The following EVI5L variants were observed in gnomAD, a reference collection of about 807,000 sequenced individuals.
EVI5L encodes EVI5-like protein.
A neutral mutation model predicts 106.1 loss-of-function variants in EVI5L; 30 were observed. The observed-to-expected ratio is 0.28, with a 90% CI of 0.21 to 0.38. The LOEUF (loss-of-function observed/expected upper bound fraction) is 0.38. Among genes scored for constraint, EVI5L ranks in the 10% least tolerant of loss-of-function variants. The pLI is 1.00. For missense variants in EVI5L, 809 were observed against 1,098.0 expected, an observed-to-expected ratio of 0.74 and a Z score of 3.72; for synonymous variants, 489 against 483.3, an observed-to-expected ratio of 1.01 and a Z score of -0.15.
chr19:7,862,039 G>A lies in EVI5L; in HGVS notation c.1644+21G>A, dbSNP rs1036802876. 4 of 1,539,562 alleles carry A rather than the reference G, an allele frequency of 2.6e-6. No homozygotes were observed. In the African/African-American group the frequency reaches 4.1e-5, roughly 16 times the overall value. ...GGCAGGTGAGGGCCGGGTGGGCGCCGGCGGGCAGAGCGCCCCCTAGGGCCA... is the reference window on the plus strand; with the variant it reads ...GGCAGGTGAGGGCCGGGTGGGCGCCAGCGGGCAGAGCGCCCCCTAGGGCCA... On this transcript the variant is annotated intron_variant, in intron 15 of 19. Transcript: ENST00000538904.
chr19:7,838,971 G>A (rs1268551305), intron 1 of EVI5L, among the ~76,000 whole-genome samples: 2 of 151,330 alleles, frequency 1.3e-5, no homozygotes, highest in Admixed American at 1.3e-4. Context: ...ACTCCAGCCT[G>A]GGAGACAGAG....
chr19:7,851,330 G>T, intron 6 of EVI5L, 104 bp from the exon 7 acceptor site: 1 of 1,395,070 alleles, frequency 7.2e-7, no homozygotes, highest in Non-Finnish European at 9.7e-7. Context: ...GCTGCCCAGC[G>T]CAGGTCCAGG....
chr19:7,852,905 T>A, intron 8 of EVI5L, 181 bp from the exon 9 acceptor site: 1 of 615,884 alleles, frequency 1.6e-6, no homozygotes, highest in East Asian at 2.8e-5. Flanking sequence ...CAGTCCCCCA[T>A]TCCCTCCCCT....
Position 7,864,397 on chromosome 19 carries a change from G to T in EVI5L, c.*695G>T, listed in dbSNP as rs1302666181. Reference sequence around the variant, plus strand: ...GGGGCCAGAGCAGCTTCCAGGAAGTGAAGAGACCCCTCTCCCCAGTGCCCC... The same window carrying T: ...GGGGCCAGAGCAGCTTCCAGGAAGTTAAGAGACCCCTCTCCCCAGTGCCCC... On this transcript the variant is annotated 3_prime_UTR_variant, in exon 20 of 20. Coordinates refer to ENST00000538904, the MANE Select transcript of EVI5L (RefSeq NM_001159944.3). The surrounding 1 kb of genome is among the most constrained non-coding windows in gnomAD (Gnocchi z 4.5). The T allele has an allele frequency of 6.6e-6, 1 of 152,500 alleles. No individual in the cohort carries two copies. Among genetic ancestry groups the T allele is most frequent in the Non-Finnish European group, 1.5e-5 (1 of 68,124 alleles). The allele number at this position is 152,500 out of a possible 1,614,324, so 9.4% of individuals were successfully genotyped here. A position where few individuals can be genotyped will look rare whatever the true frequency, so the allele number is the denominator to read the frequency against.
chr19:7,862,570 C>T (rs1979869746), intron 17 of EVI5L, 36 bp downstream of exon 17: 2 of 1,381,098 alleles, frequency 1.4e-6, no homozygotes, highest in Non-Finnish European at 1.9e-6. Flanking sequence ...GCCCGTGGCA[C>T]CGCCCCCGGA....
chr19:7,857,134 C>A lies in EVI5L; in HGVS notation c.1233+10C>A. On this transcript the variant is annotated intron_variant, in intron 12 of 19. Coordinates refer to ENST00000538904, the MANE Select transcript of EVI5L (RefSeq NM_001159944.3). This position sits in a 1 kb window ranked among gnomAD's most constrained non-coding sequence, Gnocchi z 4.5. ...TGATAGGTTAATCCAGGTACTGTAG[C>A]TTTTTATCCCCTCTCCGGATTCCTT... 14 of 1,551,692 alleles carry A rather than the reference C, an allele frequency of 9.0e-6. No homozygotes were observed. Among genetic ancestry groups the A allele is most frequent in the Non-Finnish European group, 1.1e-5 (13 of 1,146,994 alleles).
Position 7,863,234 on chromosome 19 carries a change from A to G in EVI5L, c.2093A>G (p.Gln698Arg). 6.4e-7 allele frequency: 1 copy of G among 1,563,274 alleles called. No individual in the cohort carries two copies. The highest frequency in any genetic ancestry group is 1.2e-5 in the South Asian group (1 of 84,934). ...QGQLNHSDSS[Q>R]YIRELKDQIE... The stretch of plus-strand genomic sequence containing the variant: ...CAGCTGAACCACTCGGACTCATCGC[A>G]GTACATCCGCGAGCTCAAGGACCAG... The change falls in exon 19 of 20, where the codon CAG becomes CGG. Residue 698 changes from glutamine to arginine, a missense_variant. Gln to Arg is a conservative substitution (Grantham distance 43). Coordinates refer to ENST00000538904, the MANE Select transcript of EVI5L (RefSeq NM_001159944.3). This position sits in a 1 kb window ranked among gnomAD's most constrained non-coding sequence, Gnocchi z 7.7.
At chr19:7,844,273 A>G (rs1185230885) in intron 1 of EVI5L, among the ~76,000 whole-genome samples, 1 of 150,464 alleles carries the variant, frequency 6.6e-6, no homozygotes, top group Non-Finnish European at 1.5e-5. Context: ...TAGAGGTTGC[A>G]GTGAGCCAAG....
chr19:7,852,493 C>T (rs914112569), intron 8 of EVI5L, among the ~76,000 whole-genome samples: 12 of 152,070 alleles, frequency 7.9e-5, no homozygotes, highest in South Asian at 2.1e-4. Flanking sequence ...TCAGACCCCC[C>T]GACCCTCAGC....
rs1002423545 is a variant in EVI5L, at chr19:7,835,279, G to A, written c.-48+4898G>A. Among the ~76,000 whole-genome samples, 5 of 152,212 alleles carry A rather than the reference G, an allele frequency of 3.3e-5. No individual in the cohort carries two copies. The highest frequency in any genetic ancestry group is 3.9e-4 in the East Asian group (2 of 5,182). On this transcript the variant is annotated intron_variant, in intron 1 of 19. Transcript: ENST00000538904. The surrounding 1 kb of genome is among the most constrained non-coding windows in gnomAD (Gnocchi z 4.1). ...TCCCAGTACTTTGGGAGGCTGAGGC[G>A]GGTGCATCACCTGAGGTCAGGAGTT... is the stretch of plus-strand genomic sequence containing the variant.
chr19:7,843,210 TGA>T (rs575669558), intron 1 of EVI5L, among the ~76,000 whole-genome samples: 51 of 146,216 alleles, frequency 3.5e-4, no homozygotes, highest in African/African-American at 1.3e-3. Flanking sequence ...GGTGTGTGTG[TGA>T]GAATAAGCAT....
Position 7,847,741 on chromosome 19 carries a change from G to A in EVI5L, c.147G>A (p.Glu49=), listed in dbSNP as rs199527137. 9.3e-6 allele frequency: 15 copies of A among 1,612,126 alleles called. No individual in the cohort carries two copies. Among genetic ancestry groups the A allele is most frequent in the African/African-American group, 1.3e-5 (1 of 74,970 alleles). ...GGCCCTTCCTGCCCAGGCTCCTGGA[G>A]GCCGACTCCAAGTCCATGCGCTCCA... is the stretch of plus-strand genomic sequence containing the variant. ...AKLEEQNRLL[E]ADSKSMRSMN... Residue 49 remains glutamate, a synonymous_variant, in exon 3 of 20, where the codon GAG becomes GAA. Coordinates refer to ENST00000538904, the MANE Select transcript of EVI5L (RefSeq NM_001159944.3).
rs767866815 is a variant in EVI5L at position 7,856,492 on chromosome 19, C to T, written c.1200+424C>T. 1.1e-4 allele frequency among the ~76,000 whole-genome samples: 16 copies of T among 152,018 alleles called. No homozygotes were observed. The highest frequency in any genetic ancestry group is 6.2e-4 in the South Asian group (3 of 4,826). On this transcript the variant is annotated intron_variant, in intron 11 of 19. Coordinates refer to ENST00000538904, the MANE Select transcript of EVI5L (RefSeq NM_001159944.3). The surrounding 1 kb of genome is among the most constrained non-coding windows in gnomAD (Gnocchi z 6.6). ...GAAACCCAGTGGAGGAGAAGCGTGG[C>T]GCCATGGTGGGGAGCCACAGCCCGG...
chr19:7,861,823 G>A, intron 14 of EVI5L, 55 bp from the exon 15 acceptor site: 2 of 1,544,226 alleles, frequency 1.3e-6, no homozygotes, highest in Admixed American at 4.0e-5. Context: ...TGTCCTGCAG[G>A]AAGGGCCATG....
At chr19:7,842,697 CAA>C (rs944239966) in intron 1 of EVI5L, among the ~76,000 whole-genome samples, 5 of 150,870 alleles carry the variant, frequency 3.3e-5, no homozygotes, top group Non-Finnish European at 7.4e-5. Flanking sequence ...AATTGTGTAT[CAA>C]GTGTGTGGAT....
At chr19:7,843,431 AGAGTGT>A (rs1476637427) in intron 1 of EVI5L, among the ~76,000 whole-genome samples, 2 of 43,302 alleles carry the variant, frequency 4.6e-5, no homozygotes, top group Non-Finnish European at 1.0e-4. Context: ...GGGTGTGTCG[AGAGTGT>A]GTGTGTATGG....
Position 7,848,344 on chromosome 19 carries a change from C to A in EVI5L, c.327+423C>A, listed in dbSNP as rs368672857. ...GGGCGCAGTGGCTCACGCCTGTAAT[C>A]CCAGTTCGTTGGAAGGTCGAGGCAG... On this transcript the variant is annotated intron_variant, in intron 3 of 19. Transcript: ENST00000538904. This position sits in a 1 kb window ranked among gnomAD's most constrained non-coding sequence, Gnocchi z 4.8. Among the ~76,000 whole-genome samples the A allele has an allele frequency of 4.6e-5, 7 of 152,248 alleles. No homozygotes were observed. In the East Asian group the frequency reaches 9.7e-4, roughly 21 times the overall value.
chr19:7,861,382 C>T (rs1475072922), intron 14 of EVI5L, among the ~76,000 whole-genome samples: 2 of 152,216 alleles, frequency 1.3e-5, no homozygotes, highest in African/African-American at 4.8e-5. Context: ...GTGCGGACCT[C>T]ATCCAGAAAG....
chr19:7,844,078 C>T (rs1328910890), intron 1 of EVI5L, among the ~76,000 whole-genome samples: 1 of 151,448 alleles, frequency 6.6e-6, no homozygotes, highest in Admixed American at 6.6e-5. Context: ...CTCGGCTGGG[C>T]GCGGTGGCTC....
Sources: allele counts gnomAD v4.1 joint callset (sites outside exome capture counted in the v4.1 genomes callset), GRCh38; gene constraint gnomAD v4.1.1; non-coding constraint Gnocchi (gnomAD v3.1); transcripts MANE v1.5; gene names NCBI Gene and HGNC (gene_info 2026-07-23, HGNC 2026-07-21).